COL12A1: variants seen among roughly 807,000 people sequenced by gnomAD.
COL12A1 encodes collagen alpha-1(XII) chain.
Under a neutral mutation model 349.7 loss-of-function variants are expected in COL12A1, and 114 were observed. That is an observed-to-expected ratio of 0.33 (90% CI 0.28 to 0.38). The LOEUF is 0.38. COL12A1 is among the 10% of genes least tolerant of loss of function. The pLI, the probability that COL12A1 is intolerant of heterozygous loss-of-function variation, is 1.00. For missense variants in COL12A1, 3,284 were observed against 3,756.9 expected (o/e 0.87, Z 3.29); for synonymous variants, 1,369 against 1,329.0 (o/e 1.03, Z -0.66).
intron 64 of COL12A1, among the ~76,000 whole-genome samples, chr6:75,088,752 C>A (rs763295305): frequency 3.3e-5 from 5 of 151,776 alleles, no homozygotes; most frequent in Non-Finnish European, 5.9e-5. Flanking sequence ...TCTGTAATCC[C>A]AGCACTTTGG....
chr6:75,183,448 G>A lies in COL12A1; in HGVS notation c.1493C>T (p.Thr498Ile). Residue 498 changes from threonine (T) to isoleucine (I), a missense_variant, in exon 10 of 66, where the codon ACC becomes ATC. This residue lies in a region of COL12A1 where 2,601 missense variants were observed against 2,824.8 expected (regional missense o/e 0.92). Transcript: ENST00000322507. ...PHTEFTLKKFTKVEDIIEAIN... is the reference protein window; with the variant it reads ...PHTEFTLKKFIKVEDIIEAIN... ...TGCTTCAATTATATCTTCAACTTTG[G>A]TGAATTTTTTCAAAGTGAACTCAGT... 1 of 1,614,142 alleles carries A rather than the reference G, an allele frequency of 6.2e-7. No homozygotes were observed. Among genetic ancestry groups the A allele is most frequent in the Non-Finnish European group, 8.5e-7 (1 of 1,180,026 alleles).
intron 59 of COL12A1, among the ~76,000 whole-genome samples, chr6:75,096,100 A>G (rs564730144): frequency 1.3e-5 from 2 of 152,254 alleles, no homozygotes; most frequent in South Asian, 4.1e-4. Flanking sequence ...TGTTGCTTTT[A>G]CCACAGCTTC....
At chr6:75,128,553 A>G (rs775203782) in intron 37 of COL12A1, 128 bp from the exon 38 acceptor site, 8 of 738,160 alleles carry the variant, frequency 1.1e-5, no homozygotes, top group Non-Finnish European at 1.5e-5. Flanking sequence ...TTGTTACACA[A>G]TGCTCGTGAC....
chr6:75,189,854 T>G, intron 5 of COL12A1, 39 bp from the exon 6 acceptor site: 1 of 1,597,352 alleles, frequency 6.3e-7, no homozygotes, highest in Non-Finnish European at 8.5e-7. Flanking sequence ...GATGCTTTAT[T>G]AAATCAACTC....
intron 60 of COL12A1, among the ~76,000 whole-genome samples, chr6:75,092,726 A>AT (rs1008388763): frequency 6.6e-6 from 1 of 151,136 alleles, no homozygotes; most frequent in Non-Finnish European, 1.5e-5. Context: ...CCAGAATGAT[A>AT]TTTTTTAAAG....
intron 63 of COL12A1, among the ~76,000 whole-genome samples, 157 bp downstream of exon 63, chr6:75,089,953 T>C (rs1238196474): frequency 6.6e-6 from 1 of 152,222 alleles, no homozygotes; most frequent in African/African-American, 2.4e-5. Flanking sequence ...TGGATCTCTA[T>C]GGCCTATGAG....
At chr6:75,177,978 C>T in intron 11 of COL12A1, 43 bp from the exon 12 acceptor site, 1 of 1,535,162 alleles carries the variant, frequency 6.5e-7, no homozygotes, top group Non-Finnish European at 8.7e-7. Context: ...CATAAATTGA[C>T]TGACTTTATA....
rs1193761433 is a variant in COL12A1 at position 75,151,158 on chromosome 6, T to C, written c.4130A>G (p.Asn1377Ser). The stretch of plus-strand genomic sequence containing the variant: ...AAACTTACCTGGACCTTTGACACTG[T>C]TACACAAATTAATGGTGAGATCATC... ...IVDDLTINLC[N>S]SVKGPGDLEA... Residue 1377 changes from asparagine to serine, a missense_variant, in exon 21 of 66, where the codon AAC (asparagine) becomes AGC (serine). Physicochemically the swap from Asn to Ser is conservative, Grantham distance 46 (BLOSUM62 1). Coordinates refer to ENST00000322507, the MANE Select transcript of COL12A1 (RefSeq NM_004370.6). 1.2e-6 allele frequency: 2 copies of C among 1,607,932 alleles called. No homozygotes were observed. The highest frequency in any genetic ancestry group is 3.3e-5 in the Admixed American group (2 of 59,722).
chr6:75,161,081 A>C (rs946265066), intron 14 of COL12A1, among the ~76,000 whole-genome samples: 4 of 152,126 alleles, frequency 2.6e-5, no homozygotes, highest in Non-Finnish European at 4.4e-5. Flanking sequence ...GCACACACAC[A>C]CACACCCACA....
chr6:75,106,191 TC>T, intron 53 of COL12A1, among the ~76,000 whole-genome samples: 1 of 152,334 alleles, frequency 6.6e-6, no homozygotes, highest in African/African-American at 2.4e-5. Context: ...GCAGGACTTT[TC>T]TCTTAGGGAG....
chr6:75,194,889 T>C lies in COL12A1; in HGVS notation c.132A>G (p.Ser44=), dbSNP rs201454637. The C allele has an allele frequency of 3.4e-4, 550 of 1,612,514 alleles. No homozygotes were observed. The highest frequency in any genetic ancestry group is 4.4e-4 in the Non-Finnish European group (514 of 1,179,194). The change falls in exon 3 of 66, where the codon TCA becomes TCG. Residue 44 remains serine, a synonymous_variant. Coordinates refer to ENST00000322507, the MANE Select transcript of COL12A1 (RefSeq NM_004370.6). ...CAATTGGATCAACTGGTTTTGCCCATGACATATGAACAGTATTTTCATCTA... is the reference window on the plus strand; with the variant it reads ...CAATTGGATCAACTGGTTTTGCCCACGACATATGAACAGTATTTTCATCTA... ...KIIDENTVHM[S]WAKPVDPIVG...
chr6:75,136,772 G>C (rs917435519), intron 31 of COL12A1, among the ~76,000 whole-genome samples: 1 of 152,074 alleles, frequency 6.6e-6, no homozygotes, highest in African/African-American at 2.4e-5. Flanking sequence ...GTTCACAAAA[G>C]GCAAAGTTGT....
chr6:75,175,345 T>A, intron 12 of COL12A1, 35 bp from the exon 13 acceptor site: 1 of 1,588,330 alleles, frequency 6.3e-7, no homozygotes, highest in Non-Finnish European at 8.6e-7. Flanking sequence ...TCAAAACCCA[T>A]TATTTAAAAA....
chr6:75,121,501 A>G, intron 43 of COL12A1, 60 bp from the exon 44 acceptor site: 1 of 1,459,826 alleles, frequency 6.9e-7, no homozygotes, highest in Non-Finnish European at 9.1e-7. Context: ...TTTAAATGAA[A>G]TCACATAATT....
Position 75,090,068 on chromosome 6 carries a change from A to C in COL12A1, c.8941+42T>G. The C allele has an allele frequency of 6.2e-7, 1 of 1,603,272 alleles. No individual in the cohort carries two copies. The highest frequency in any genetic ancestry group is 8.5e-7 in the Non-Finnish European group (1 of 1,173,704). ...ACCTGTCCCAACTCCTACATTTGCA[A>C]ATTCCTTCCTTTATCCCAATACAGA... On this transcript the variant is annotated intron_variant, in intron 63 of 65. Coordinates refer to ENST00000322507, the MANE Select transcript of COL12A1 (RefSeq NM_004370.6). This position sits in a 1 kb window ranked among gnomAD's most constrained non-coding sequence, Gnocchi z 4.1.
intron 1 of COL12A1, among the ~76,000 whole-genome samples, chr6:75,203,680 T>G (rs1267175095): frequency 6.6e-6 from 1 of 152,222 alleles, no homozygotes; most frequent in Non-Finnish European, 1.5e-5. Flanking sequence ...AGACAAAGAA[T>G]CTTATTCATC....
rs961966422 is a variant in COL12A1 at position 75,202,576 on chromosome 6, G to T, written c.73+144C>A. 14 of 731,986 alleles carry T rather than the reference G, an allele frequency of 1.9e-5. No individual in the cohort carries two copies. In the African/African-American group the frequency reaches 2.5e-4, roughly 13 times the overall value. 45.3% of individuals were successfully genotyped at this position (731,986 alleles called of 1,614,324 possible). ...GAAATGGACAAACCTCAGGAGAAAG[G>T]GGCGTTTCTCTGAAGGAGAGAAACC... On this transcript the variant is annotated intron_variant, in intron 2 of 65. Transcript: ENST00000322507.
chr6:75,180,710 T>C (rs1769219721), intron 11 of COL12A1, among the ~76,000 whole-genome samples: 1 of 152,110 alleles, frequency 6.6e-6, no homozygotes, highest in Admixed American at 6.5e-5. Flanking sequence ...TCAACAGTTC[T>C]CTAGGTCTCC....
intron 2 of COL12A1, among the ~76,000 whole-genome samples, chr6:75,198,308 G>A (rs567934781): frequency 2.6e-5 from 4 of 152,092 alleles, no homozygotes; most frequent in Non-Finnish European, 5.9e-5. Context: ...CACATGCTTA[G>A]CATTCCAATA....
Sources: gnomAD v4.1 joint callset for allele counts (sites outside exome capture counted in the v4.1 genomes callset) on GRCh38, gnomAD v4.1.1 for gene constraint, gnomAD v4.1.1 regional missense constraint, Gnocchi (gnomAD v3.1) non-coding constraint, MANE v1.5 for transcripts, NCBI Gene and HGNC (gene_info 2026-07-23, HGNC 2026-07-21) for gene names.